The following PDE4D variants were observed in gnomAD, a reference collection of about 807,000 sequenced individuals.
The protein encoded by PDE4D is phosphodiesterase 4D.
In PDE4D, 24 loss-of-function variants were observed where a neutral mutation model predicts 87.4. The ratio of observed to expected loss-of-function variants is 0.27; its 90% CI spans 0.20 to 0.39. The LOEUF (loss-of-function observed/expected upper bound fraction) is 0.39, where lower values mean the gene tolerates loss of function less well. Ranked by LOEUF, PDE4D falls within the 10% of genes least tolerant of loss-of-function variation. The pLI is 1.00. For missense variants in PDE4D, 714 were observed against 1,041.0 expected (o/e 0.69, Z 4.32); for synonymous variants, 384 against 383.2 (o/e 1.00, Z -0.02).
intron 3 of PDE4D, among the ~76,000 whole-genome samples, chr5:59,943,381 C>T (rs1757387027): frequency 6.6e-6 from 1 of 152,064 alleles, no homozygotes; most frequent in African/African-American, 2.4e-5. Context: ...ATACCAAAAA[C>T]ACACCCAAGC....
At chr5:59,563,764 T>A (rs893954041) in intron 1 of PDE4D, among the ~76,000 whole-genome samples, 2 of 152,200 alleles carry the variant, frequency 1.3e-5, no homozygotes, top group African/African-American at 2.4e-5. Flanking sequence ...AGTTTCACCA[T>A]CCCTCACAGG....
intron 1 of PDE4D, among the ~76,000 whole-genome samples, chr5:59,789,256 CA>C (rs1215109158): frequency 2.0e-5 from 3 of 152,054 alleles, no homozygotes; most frequent in Admixed American, 6.5e-5. Flanking sequence ...GAATTAAGAA[CA>C]AAAAATGTGC....
chr5:59,367,480 T>C (rs928542837), intron 1 of PDE4D, among the ~76,000 whole-genome samples: 24 of 152,056 alleles, frequency 1.6e-4, no homozygotes, highest in African/African-American at 5.3e-4. Context: ...AAAACTAGAG[T>C]AGTCAAGTTT....
intron 1 of PDE4D, among the ~76,000 whole-genome samples, chr5:59,383,055 C>A (rs191910099): frequency 6.6e-6 from 1 of 152,104 alleles, no homozygotes; most frequent in Non-Finnish European, 1.5e-5. Flanking sequence ...AGAAAAGTAA[C>A]AAGTTTTACA....
At chr5:60,147,962 T>C in intron 2 of PDE4D, 1 of 303,908 alleles carries the variant, frequency 3.3e-6, no homozygotes, top group South Asian at 2.6e-5. Context: ...TAACTCCTCC[T>C]GAATTTTCTT....
chr5:60,321,337 C>T (rs1370395106), intron 1 of PDE4D, among the ~76,000 whole-genome samples: 1 of 152,178 alleles, frequency 6.6e-6, no homozygotes, highest in African/African-American at 2.4e-5. Flanking sequence ...GGATAACTAA[C>T]TAGCCAAATG....
intron 1 of PDE4D, among the ~76,000 whole-genome samples, chr5:60,422,005 A>C (rs954899901): frequency 2.0e-5 from 3 of 152,234 alleles, no homozygotes; most frequent in Admixed American, 2.0e-4. Flanking sequence ...AAAAGAGTAA[A>C]AAGAAACAAA....
At chr5:59,594,547 C>G (rs112710520) in intron 1 of PDE4D, among the ~76,000 whole-genome samples, 223 of 152,128 alleles carry the variant, frequency 1.5e-3, no homozygotes, top group African/African-American at 5.2e-3. Flanking sequence ...TCTCAACCTC[C>G]TGACCTCAGG....
intron 2 of PDE4D, among the ~76,000 whole-genome samples, chr5:60,143,680 T>G (rs1359475761): frequency 6.7e-6 from 1 of 149,190 alleles, no homozygotes; most frequent in Non-Finnish European, 1.5e-5. Context: ...AGGGGGCGGT[T>G]AAGCTCGCTA....
intron 1 of PDE4D, among the ~76,000 whole-genome samples, chr5:59,220,435 G>A (rs1313354137): frequency 2.9e-5 from 4 of 139,212 alleles, no homozygotes; most frequent in Admixed American, 7.1e-5. Flanking sequence ...AAAAAAAAAG[G>A]AGAAAAATAA....
chr5:59,646,555 T>C (rs1192658683), intron 1 of PDE4D, among the ~76,000 whole-genome samples: 1 of 152,198 alleles, frequency 6.6e-6, no homozygotes, highest in Non-Finnish European at 1.5e-5. Flanking sequence ...GCCTTGTAAG[T>C]GTTGGTAGTA....
At chr5:60,251,089 G>A (rs1748388404) in intron 1 of PDE4D, among the ~76,000 whole-genome samples, 1 of 151,878 alleles carries the variant, frequency 6.6e-6, no homozygotes, top group African/African-American at 2.4e-5. Flanking sequence ...TACAGAGAAA[G>A]GAAAGAGAAA....
rs149605004 is a variant in PDE4D at position 59,282,383 on chromosome 5, A to G, written c.456-66415T>C. 3.2e-4 allele frequency among the ~76,000 whole-genome samples: 49 copies of G among 152,052 alleles called. 1 individual carries two copies. Among genetic ancestry groups the G allele is most frequent in the African/African-American group, 1.1e-3 (47 of 41,522 alleles). ...AGGCTGCGCGCGGTGGCTCATGCCTATAATCCCAGCACTTTGGGAGGCCGA... is the reference window on the plus strand; with the variant it reads ...AGGCTGCGCGCGGTGGCTCATGCCTGTAATCCCAGCACTTTGGGAGGCCGA... On this transcript the variant is annotated intron_variant, in intron 1 of 14. Coordinates refer to ENST00000340635, the MANE Select transcript of PDE4D (RefSeq NM_001104631.2).
intron 2 of PDE4D, among the ~76,000 whole-genome samples, chr5:60,043,957 G>C (rs2152870824): frequency 6.6e-6 from 1 of 152,204 alleles, no homozygotes; most frequent in Middle Eastern, 3.4e-3. Context: ...TTTCTTGCAT[G>C]GTTGCCAATG....
chr5:60,215,043 A>C (rs904853687), intron 1 of PDE4D, among the ~76,000 whole-genome samples: 1 of 152,186 alleles, frequency 6.6e-6, no homozygotes, highest in Admixed American at 6.5e-5. Flanking sequence ...TCTTGCTCCC[A>C]GATTTTAATT....
chr5:60,404,656 T>C (rs1355117210), intron 1 of PDE4D, among the ~76,000 whole-genome samples: 1 of 152,224 alleles, frequency 6.6e-6, no homozygotes. Context: ...ACATGTACCC[T>C]GTGGTCAGCA....
chr5:60,290,463 C>T (rs1583317529), intron 1 of PDE4D, among the ~76,000 whole-genome samples: 1 of 151,992 alleles, frequency 6.6e-6, no homozygotes, highest in African/African-American at 2.4e-5. Context: ...TGGAATAACC[C>T]ATACTTGAAA....
chr5:59,220,399 AAAAG>A (rs1561742097), intron 1 of PDE4D, among the ~76,000 whole-genome samples: 3 of 146,734 alleles, frequency 2.0e-5, no homozygotes, highest in Non-Finnish European at 4.5e-5. Flanking sequence ...AAAAAAAAAA[AAAAG>A]AAAGACAAAA....
chr5:59,153,361 A>T (rs760933212), intron 5 of PDE4D, among the ~76,000 whole-genome samples: 1 of 152,216 alleles, frequency 6.6e-6, no homozygotes, highest in Non-Finnish European at 1.5e-5. Context: ...GTTATTTAAA[A>T]TAATGGTCAA....
Sources: gnomAD v4.1 joint callset for allele counts (sites outside exome capture counted in the v4.1 genomes callset) on GRCh38, gnomAD v4.1.1 for gene constraint, MANE v1.5 for transcripts, NCBI Gene and HGNC (gene_info 2026-07-23, HGNC 2026-07-21) for gene names.